CCDC116: variants seen among roughly 807,000 people sequenced by gnomAD.
CCDC116 encodes coiled-coil domain containing 116, also known as coiled-coil domain-containing protein 116.
CCDC116 carries 24 observed loss-of-function variants against 29.4 expected under a neutral mutation model. That is an observed-to-expected ratio of 0.82 (90% CI 0.59 to 1.15). The LOEUF is 1.15. Ranked by LOEUF, CCDC116 falls within the 50% of genes most tolerant of loss-of-function variation. The pLI is 0.00. For missense variants in CCDC116, 791 were observed against 804.0 expected (o/e 0.98, Z 0.20); for synonymous variants, 298 against 331.4 (o/e 0.90, Z 1.10).
intron 1 of CCDC116, 107 bp downstream of exon 1, chr22:21,632,934 C>G: frequency 1.5e-6 from 1 of 668,692 alleles, no homozygotes; most frequent in Non-Finnish European, 2.8e-6. Context: ...ACAGGATTGT[C>G]CTCAGCGATT....
chr22:21,634,294 G>A lies in CCDC116; in HGVS notation c.345G>A (p.Val115=). 6.2e-7 allele frequency: 1 copy of A among 1,613,548 alleles called. No individual in the cohort carries two copies. The change falls in exon 3 of 5, where the codon GTG becomes GTA. Residue 115 remains valine (V), a synonymous_variant. Coordinates refer to ENST00000292779, the MANE Select transcript of CCDC116 (RefSeq NM_152612.3). The stretch of plus-strand genomic sequence containing the variant: ...CGCTTGTGGAGGTGCAGGACCCAGT[G>A]GAGGTGCCAAGTGGTGGACGGCGGG... ...GVPLVEVQDP[V]EVPSGGRRAH...
Position 21,635,202 on chromosome 22 carries a change from G to C in CCDC116, c.1139G>C (p.Arg380Pro). ...VSSPKMLQRK[R>P]KDRGGSPSMS... ...AGCCCCAAGATGCTTCAGAGAAAAC[G>C]CAAGGACAGAGGAGGCTCCCCCTCC... is the stretch of plus-strand genomic sequence containing the variant. The change falls in exon 4 of 5, where the codon CGC (arginine) becomes CCC (proline). Residue 380 changes from arginine (R) to proline (P), a missense_variant. Arg to Pro is a moderately radical substitution (Grantham distance 103, BLOSUM62 -2). Transcript: ENST00000292779. The C allele has an allele frequency of 6.2e-7, 1 of 1,600,174 alleles. No homozygotes were observed. Among genetic ancestry groups the C allele is most frequent in the Non-Finnish European group, 8.5e-7 (1 of 1,179,926 alleles).
chr22:21,635,184 A>G lies in CCDC116; in HGVS notation c.1121A>G (p.Lys374Arg), dbSNP rs778950088. 4.4e-6 allele frequency: 7 copies of G among 1,600,468 alleles called. No individual in the cohort carries two copies. The African/African-American group carries it at 6.7e-5, about 15-fold the overall frequency. The change falls in exon 4 of 5, where the codon AAG (lysine) becomes AGG (arginine). Residue 374 changes from lysine to arginine, a missense_variant. Lys to Arg is a conservative substitution (Grantham distance 26, BLOSUM62 2). Coordinates refer to ENST00000292779, the MANE Select transcript of CCDC116 (RefSeq NM_152612.3). Reference protein sequence around the residue: ...ASPRPTVSSPKMLQRKRKDRG... With the variant: ...ASPRPTVSSPRMLQRKRKDRG... ...CCCCGCCCCACAGTCTCCAGCCCCA[A>G]GATGCTTCAGAGAAAACGCAAGGAC...
In CCDC116 at chr22:21,634,689, G is replaced by A; in HGVS notation, c.626G>A (p.Gly209Asp). Residue 209 changes from glycine (G) to aspartate (D), a missense_variant, in exon 4 of 5, where the codon GGC becomes GAC. Transcript: ENST00000292779. ...AGAGTCACCCTCTTTCTGCAGAAAG[G>A]CCTCAGTCAGTCCTGCTCCCAGAGG... ...RLLQLEREGK[G>D]LSQSCSQRDS... 1 of 1,598,362 alleles carries A rather than the reference G, an allele frequency of 6.3e-7. No individual in the cohort carries two copies. Among genetic ancestry groups the A allele is most frequent in the East Asian group, 2.2e-5 (1 of 44,660 alleles).
In CCDC116 at chr22:21,636,488, G is replaced by A. The variant is rs200921971; in HGVS notation, c.1260G>A (p.Ser420=). ...TKKKPLPSIS[S]KSSMSHFSNR... ...AGAAGCCGCTGCCCTCCATCTCGTC[G>A]AAGTCCAGCATGTCTCACTTCTCCA... Residue 420 remains serine (S), a synonymous_variant, in exon 5 of 5, where the codon TCG becomes TCA. Transcript: ENST00000292779. 1.2e-5 allele frequency: 20 copies of A among 1,613,886 alleles called. No individual in the cohort carries two copies. Among genetic ancestry groups the A allele is most frequent in the African/African-American group, 4.0e-5 (3 of 74,990 alleles).
chr22:21,635,326 A>AC (rs1278059605), intron 4 of CCDC116, 60 bp downstream of exon 4: 2 of 1,401,794 alleles, frequency 1.4e-6, no homozygotes. Context: ...GGGAGGAGGC[A>AC]CCTGACTCAG....
intron 2 of CCDC116, 56 bp downstream of exon 2, chr22:21,633,309 C>A: frequency 7.2e-7 from 1 of 1,382,594 alleles, no homozygotes; most frequent in Non-Finnish European, 9.9e-7. Flanking sequence ...TCCCCACCAA[C>A]CCTGGCACCC....
Position 21,634,985 on chromosome 22 carries a change from C to CG in CCDC116, c.923dup (p.Leu309ProfsTer15), listed in dbSNP as rs1930726798. 6.2e-7 allele frequency: 1 copy of CG among 1,611,602 alleles called. No homozygotes were observed. The highest frequency in any genetic ancestry group is 1.7e-5 in the Admixed American group (1 of 60,004). On this transcript the variant is annotated frameshift_variant, in exon 4 of 5. Coordinates refer to ENST00000292779, the MANE Select transcript of CCDC116 (RefSeq NM_152612.3). LOFTEE classifies it high-confidence loss of function. ...CACGCTGAACTTCCTGGCTGACCAC[C>CG]GCCTCTTCCCTGCCCTGCAAAGCGT... is the stretch of plus-strand genomic sequence containing the variant.
chr22:21,636,457 C>CGAA lies in CCDC116; in HGVS notation c.1237_1239dup (p.Lys413dup), dbSNP rs749153827. 6 of 1,613,288 alleles carry CGAA rather than the reference C, an allele frequency of 3.7e-6. No homozygotes were observed. In the Admixed American group the frequency reaches 1.0e-4, roughly 27 times the overall value. On this transcript the variant is annotated inframe_insertion, in exon 5 of 5. Transcript: ENST00000292779. ...AGCCCCTGCAGCAGCAGCAGGTTCACGAAGAAGAAGCCGCTGCCCTCCATC... is the reference window on the plus strand; with the variant it reads ...AGCCCCTGCAGCAGCAGCAGGTTCACGAAGAAGAAGAAGCCGCTGCCCTCCATC...
rs1171990331 is a variant in CCDC116, at chr22:21,633,205, G to A, written c.24G>A (p.Ser8=). 9 of 1,550,634 alleles carry A rather than the reference G, an allele frequency of 5.8e-6. No homozygotes were observed. Among genetic ancestry groups the A allele is most frequent in the African/African-American group, 4.1e-5 (3 of 73,016 alleles). The part of the protein sequence containing the change: MARCRHH[S]GYLADDEASH... ...ACATGGCCAGGTGCCGCCACCACTC[G>A]GGTTACCTGGCCGATGACGAGGCCA... The change falls in exon 2 of 5, where the codon TCG becomes TCA. Residue 8 remains serine, a synonymous_variant. Transcript: ENST00000292779.
chr22:21,634,358 C>T lies in CCDC116; in HGVS notation c.409C>T (p.Arg137Cys), dbSNP rs764791161. 30 of 1,612,486 alleles carry T rather than the reference C, an allele frequency of 1.9e-5. No homozygotes were observed. The highest frequency in any genetic ancestry group is 2.2e-5 in the East Asian group (1 of 44,848). ...CAGCCTCAGCACCGTACACCGGCACCGTGTACGGCCGACCCTCTGCACTGG... is the reference window on the plus strand; with the variant it reads ...CAGCCTCAGCACCGTACACCGGCACTGTGTACGGCCGACCCTCTGCACTGG... ...RPSLSTVHRH[R>C]VRPTLCTGHP... The change falls in exon 3 of 5, where the codon CGT becomes TGT. Residue 137 changes from arginine to cysteine, a missense_variant. Arg to Cys is a radical substitution (Grantham distance 180). Coordinates refer to ENST00000292779, the MANE Select transcript of CCDC116 (RefSeq NM_152612.3).
chr22:21,634,730 G>T lies in CCDC116; in HGVS notation c.667G>T (p.Asp223Tyr), dbSNP rs1930709350. ...SCSQRDSLLW[D>Y]SLGSQTSFQW... is the part of the protein sequence containing the mutation. ...CTCCCAGAGGGACTCCCTGCTGTGG[G>T]ATTCGCTGGGTAGCCAGACCAGCTT... is the stretch of plus-strand genomic sequence containing the variant. The change falls in exon 4 of 5, where the codon GAT becomes TAT. Residue 223 changes from aspartate to tyrosine, a missense_variant. Coordinates refer to ENST00000292779, the MANE Select transcript of CCDC116 (RefSeq NM_152612.3). The T allele has an allele frequency of 6.2e-7, 1 of 1,612,528 alleles. No individual in the cohort carries two copies. The highest frequency in any genetic ancestry group is 1.3e-5 in the African/African-American group (1 of 75,000).
intron 4 of CCDC116, 40 bp from the exon 5 acceptor site, chr22:21,636,392 G>A: frequency 6.4e-7 from 1 of 1,571,816 alleles, no homozygotes; most frequent in Admixed American, 1.7e-5. Flanking sequence ...GGGCTGGCAG[G>A]TGTGACATGT....
chr22:21,633,061 A>C, intron 1 of CCDC116, 59 bp from the exon 2 acceptor site: 1 of 802,024 alleles, frequency 1.2e-6, no homozygotes, highest in Non-Finnish European at 2.2e-6. Flanking sequence ...CGCAGACTCC[A>C]GGGCCACAGA....
chr22:21,635,562 C>G, intron 4 of CCDC116: 1 of 703,096 alleles, frequency 1.4e-6, no homozygotes, highest in Non-Finnish European at 2.6e-6. Flanking sequence ...TCTCCCGCCT[C>G]ACTGTGTCCA....
intron 4 of CCDC116, 125 bp from the exon 5 acceptor site, chr22:21,636,307 T>A: frequency 1.3e-6 from 1 of 799,824 alleles, no homozygotes; most frequent in Non-Finnish European, 2.0e-6. Context: ...GGGTACCCAT[T>A]CATGTTTGTG....
chr22:21,635,846 T>C, intron 4 of CCDC116: 2 of 547,770 alleles, frequency 3.7e-6, no homozygotes, highest in Admixed American at 6.7e-5. Flanking sequence ...CGCTCCTACA[T>C]GGGGGTGGAA....
chr22:21,634,986 G>A lies in CCDC116; in HGVS notation c.923G>A (p.Arg308His), dbSNP rs762878922. The A allele has an allele frequency of 6.8e-6, 11 of 1,611,368 alleles. No individual in the cohort carries two copies. Among genetic ancestry groups the A allele is most frequent in the East Asian group, 4.5e-5 (2 of 44,882 alleles). Residue 308 changes from arginine to histidine, a missense_variant, in exon 4 of 5, where the codon CGC becomes CAC. Arg to His is a conservative substitution (Grantham distance 29, BLOSUM62 0). Transcript: ENST00000292779. ...ACGCTGAACTTCCTGGCTGACCACC[G>A]CCTCTTCCCTGCCCTGCAAAGCGTG... Reference protein sequence around the residue: ...HRTLNFLADHRLFPALQSVVS... With the variant: ...HRTLNFLADHHLFPALQSVVS...
rs1388120191 is a variant in CCDC116, at chr22:21,634,341, G to A, written c.392G>A (p.Ser131Asn). The change falls in exon 3 of 5, where the codon AGC (serine) becomes AAC (asparagine). Residue 131 changes from serine to asparagine, a missense_variant. Ser to Asn is a conservative substitution (Grantham distance 46). Transcript: ENST00000292779. ...GRRAHARPSL[S>N]TVHRHRVRPT... ...CGGGCACATGCCCGGCCCAGCCTCA[G>A]CACCGTACACCGGCACCGTGTACGG... 1 of 1,612,462 alleles carries A rather than the reference G, an allele frequency of 6.2e-7. No individual in the cohort carries two copies. The highest frequency in any genetic ancestry group is 1.3e-5 in the African/African-American group (1 of 74,918).
Sources: gnomAD v4.1 joint callset for allele counts on GRCh38, gnomAD v4.1.1 for gene constraint, MANE v1.5 for transcripts, NCBI Gene and HGNC (gene_info 2026-07-23, HGNC 2026-07-21) for gene names.